Variants in COL16A1 observed in about 807,000 individuals in gnomAD.
The protein encoded by COL16A1 is collagen type XVI alpha 1 chain.
COL16A1 carries 189 observed loss-of-function variants against 266.3 expected under a neutral mutation model. The observed-to-expected ratio is 0.71, with a 90% CI of 0.63 to 0.80. COL16A1 has a LOEUF of 0.80. Among genes scored for constraint, COL16A1 ranks in the 30% least tolerant of loss-of-function variants. The pLI, the probability that COL16A1 is intolerant of heterozygous loss-of-function variation, is 0.00. For missense variants in COL16A1, 1,928 were observed against 2,122.4 expected (o/e 0.91, Z 1.80); for synonymous variants, 740 against 782.3 (o/e 0.95, Z 0.90).
intron 1 of COL16A1, among the ~76,000 whole-genome samples, chr1:31,702,628 G>A (rs998090211): frequency 6.6e-6 from 1 of 152,186 alleles, no homozygotes; most frequent in African/African-American, 2.4e-5. Context: ...ACACGTGGAA[G>A]TATTTCAAGT....
intron 10 of COL16A1, 146 bp downstream of exon 10, chr1:31,695,615 C>T: frequency 3.6e-6 from 3 of 827,916 alleles, no homozygotes; most frequent in Non-Finnish European, 6.1e-6. Flanking sequence ...AGGCAGTGGA[C>T]AGACAGGGCC....
intron 23 of COL16A1, 154 bp from the exon 24 acceptor site, chr1:31,689,239 T>C (rs1644142756): frequency 8.0e-7 from 1 of 1,244,266 alleles, no homozygotes; most frequent in Admixed American, 2.6e-5. Context: ...AGAGGCAGGG[T>C]TCATCAACCC....
chr1:31,698,426 G>A lies in COL16A1; in HGVS notation c.390+57C>T. ...AGTCACAAGCCGGGATGAAAGGTGGGCTGGACTGGTGCTACCCAATGCCCT... is the reference window on the plus strand; with the variant it reads ...AGTCACAAGCCGGGATGAAAGGTGGACTGGACTGGTGCTACCCAATGCCCT... On this transcript the variant is annotated intron_variant, in intron 5 of 70. Transcript: ENST00000373672. This position sits in a 1 kb window ranked among gnomAD's most constrained non-coding sequence, Gnocchi z 4.1. 1 of 1,606,244 alleles carries A rather than the reference G, an allele frequency of 6.2e-7. No homozygotes were observed.
In COL16A1 at chr1:31,692,773, T is replaced by C. The variant is rs3818788; in HGVS notation, c.1107A>G (p.Pro369=). The C allele has an allele frequency of 0.64, 1,029,724 of 1,612,612 alleles. 331,884 individuals are homozygous for C. Among genetic ancestry groups the C allele is most frequent in the African/African-American group, 0.73 (54,689 of 74,934 alleles). ...NDCVRISPDA[P]LQCAEGPKGE... is the part of the protein sequence containing the mutation. ...CATCACCTCCAAGTCTTACCTGAAGTGGGGCATCCGGGGAGATTCGAACAC... is the reference window on the plus strand; with the variant it reads ...CATCACCTCCAAGTCTTACCTGAAGCGGGGCATCCGGGGAGATTCGAACAC... Residue 369 remains proline (P), a synonymous_variant, in exon 14 of 71, where the codon CCA becomes CCG. Transcript: ENST00000373672.
Position 31,665,192 on chromosome 1 carries a change from G to A in COL16A1, c.3535C>T (p.Pro1179Ser), listed in dbSNP as rs199700017. 47 of 1,603,528 alleles carry A rather than the reference G, an allele frequency of 2.9e-5. No homozygotes were observed. The African/African-American group carries it at 5.4e-4, about 18-fold the overall frequency. ...CTCACCTTCTCTGCTTGAGGGCCAG[G>A]TGGGCCAGGTGATCCAACTTTGCCT... The part of the protein sequence containing the change: ...FPGKVGSPGP[P>S]GPQAEKGSEG... Residue 1179 changes from proline (P) to serine (S), a missense_variant, in exon 56 of 71, where the codon CCT (proline) becomes TCT (serine). By Grantham distance (74) the Pro-to-Ser change is moderately conservative. This residue lies in a region of COL16A1 where 1,552 missense variants were observed against 1,637.2 expected (regional missense o/e 0.95). Transcript: ENST00000373672.
Position 31,681,018 on chromosome 1 carries a change from C to T in COL16A1, c.2583+5G>A, listed in dbSNP as rs1398454160. 1 of 1,613,792 alleles carries T rather than the reference C, an allele frequency of 6.2e-7. No homozygotes were observed. Among genetic ancestry groups the T allele is most frequent in the East Asian group, 2.2e-5 (1 of 44,874 alleles). On this transcript the variant is annotated splice_donor_5th_base_variant and intron_variant, in intron 38 of 70. Coordinates refer to ENST00000373672, the MANE Select transcript of COL16A1 (RefSeq NM_001856.4). ...CTTCCTGCTGCCCCAAGGCACTGTA[C>T]TCACTGGTGTTCCTCTGAGTCCCGT...
chr1:31,670,241 A>C lies in COL16A1; in HGVS notation c.3195+361T>G. On this transcript the variant is annotated intron_variant, in intron 49 of 70. Coordinates refer to ENST00000373672, the MANE Select transcript of COL16A1 (RefSeq NM_001856.4). The surrounding 1 kb of genome is among the most constrained non-coding windows in gnomAD (Gnocchi z 4.5). ...GCAGGAGGCAGAGCGAGAAGGCAGG[A>C]ATGGAGGGGCCCCCTAGAGGCACCA... 3.9e-6 allele frequency: 1 copy of C among 258,180 alleles called. No homozygotes were observed. Among genetic ancestry groups the C allele is most frequent in the Non-Finnish European group, 7.3e-6 (1 of 136,986 alleles). The allele number at this position is 258,180 out of a possible 1,614,324, so 16.0% of individuals were successfully genotyped here.
intron 37 of COL16A1, among the ~76,000 whole-genome samples, chr1:31,682,290 T>C (rs1429093858): frequency 6.6e-6 from 1 of 152,242 alleles, no homozygotes; most frequent in African/African-American, 2.4e-5. Flanking sequence ...GGGTGAATAG[T>C]ACAAAGGGAA....
intron 54 of COL16A1, 39 bp downstream of exon 54, chr1:31,665,843 T>C (rs1429658445): frequency 1.2e-6 from 2 of 1,613,736 alleles, no homozygotes; most frequent in South Asian, 2.2e-5. Flanking sequence ...CCCAGCTCCT[T>C]CCCTGCCTCC....
Position 31,692,005 on chromosome 1 carries a change from GT to G in COL16A1, c.1256del (p.Asp419AlafsTer42). Reference protein sequence around the residue: ...IKGVPGKPGRDGRPGEICVIG... With the variant: ...IKGVPGKPGRXGRPGEICVIG... ...GTGGGGAAGGGTCCCAGGCACCTAC[GT>G]CCCGGCCTGGCTTTCCCGGCACGCC... On this transcript the variant is annotated frameshift_variant and splice_region_variant, in exon 17 of 71. Transcript: ENST00000373672. LOFTEE classifies it high-confidence loss of function. 1 of 1,613,820 alleles carries G rather than the reference GT, an allele frequency of 6.2e-7. No homozygotes were observed. The highest frequency in any genetic ancestry group is 2.2e-5 in the East Asian group (1 of 44,878).
Position 31,697,943 on chromosome 1 carries a change from A to T in COL16A1, c.620T>A (p.Phe207Tyr). ...RRPMRPVGHV[F>Y]LGLDAEQGKP... ...GCCCTGCTCAGCATCCAAGCCTAGA[A>T]ATACATGGCCCACAGGCCTCATGGG... The change falls in exon 6 of 71, where the codon TTT (phenylalanine) becomes TAT (tyrosine). Residue 207 changes from phenylalanine to tyrosine, a missense_variant. Around this residue, in one of 2 missense-constraint regions of COL16A1, gnomAD observed 1,552 missense variants for 1,637.2 expected, o/e 0.95. Coordinates refer to ENST00000373672, the MANE Select transcript of COL16A1 (RefSeq NM_001856.4). The surrounding 1 kb of genome is among the most constrained non-coding windows in gnomAD (Gnocchi z 4.2). 1 of 1,613,004 alleles carries T rather than the reference A, an allele frequency of 6.2e-7. No individual in the cohort carries two copies. Among genetic ancestry groups the T allele is most frequent in the African/African-American group, 1.3e-5 (1 of 74,928 alleles).
In COL16A1 at chr1:31,653,879, G is replaced by A. The variant is rs1461523029; in HGVS notation, c.4522C>T (p.Pro1508Ser). ...QIGREGRQGL[P>S]GVRGLPGTKG... ...AGGGCAGAGCTACCTCTTACTCCTG[G>A]CAAGCCCTGCCGTCCTTCTCTGCCA... Residue 1508 changes from proline (P) to serine (S), a missense_variant, in exon 69 of 71, where the codon CCA becomes TCA. Physicochemically the swap from Pro to Ser is moderately conservative, Grantham distance 74. Transcript: ENST00000373672. 6.2e-7 allele frequency: 1 copy of A among 1,611,474 alleles called. No homozygotes were observed. Among genetic ancestry groups the A allele is most frequent in the Non-Finnish European group, 8.5e-7 (1 of 1,178,322 alleles).
At chr1:31,675,477 C>G (rs1265788462) in intron 42 of COL16A1, among the ~76,000 whole-genome samples, 166 bp from the exon 43 acceptor site, 1 of 152,156 alleles carries the variant, frequency 6.6e-6, no homozygotes, top group South Asian at 2.1e-4. Flanking sequence ...GCCTCTCGAC[C>G]CTTATAGGGA....
intron 57 of COL16A1, 26 bp downstream of exon 57, chr1:31,662,561 G>T: frequency 6.4e-7 from 1 of 1,559,434 alleles, no homozygotes; most frequent in Non-Finnish European, 8.7e-7. Context: ...GCACACGTCT[G>T]CCACGCTGAA....
chr1:31,679,418 C>A, intron 42 of COL16A1: 2 of 1,561,218 alleles, frequency 1.3e-6, no homozygotes, highest in African/African-American at 1.4e-5. Flanking sequence ...CGCAACAGTG[C>A]ATTGCTTGAA....
rs1265365679 is a variant in COL16A1 at position 31,685,043 on chromosome 1, G to A, written c.2017-187C>T. 6.6e-6 allele frequency among the ~76,000 whole-genome samples: 1 copy of A among 152,228 alleles called. No homozygotes were observed. The highest frequency in any genetic ancestry group is 1.5e-5 in the Non-Finnish European group (1 of 68,048). ...CAGACTCTTTGCCTGGGTGACATGA[G>A]CAAATTAGCTCATCTATCTCCGTAC... is the stretch of plus-strand genomic sequence containing the variant. On this transcript the variant is annotated intron_variant, in intron 29 of 70. Transcript: ENST00000373672. The surrounding 1 kb of genome is among the most constrained non-coding windows in gnomAD (Gnocchi z 4.0).
intron 23 of COL16A1, 39 bp downstream of exon 23, chr1:31,689,702 G>C (rs755393699): frequency 1.3e-6 from 2 of 1,523,164 alleles, no homozygotes; most frequent in Non-Finnish European, 1.8e-6. Flanking sequence ...TTCTTTGTGT[G>C]TTGGGGGAGG....
chr1:31,694,056 G>T (rs576461112), intron 12 of COL16A1, 88 bp downstream of exon 12: 1 of 1,307,534 alleles, frequency 7.6e-7, no homozygotes, highest in Non-Finnish European at 1.1e-6. Context: ...GGCCCTGATA[G>T]AAACACACAG....
In COL16A1 at chr1:31,697,831, C is replaced by T. The variant is rs747866879; in HGVS notation, c.657+75G>A. 3.6e-5 allele frequency: 53 copies of T among 1,492,290 alleles called. 1 individual carries two copies. Among genetic ancestry groups the T allele is most frequent in the South Asian group, 1.3e-4 (10 of 77,118 alleles). 92.4% of individuals were successfully genotyped at this position (1,492,290 alleles called of 1,614,324 possible). A position where few individuals can be genotyped will look rare whatever the true frequency, so the allele number is the denominator to read the frequency against. Reference sequence around the variant, plus strand: ...TTCTAAGCAGGAGAAGGACTTGTTCCGATACGGATTCCAGGAAGCCCACTC... The same window carrying T: ...TTCTAAGCAGGAGAAGGACTTGTTCTGATACGGATTCCAGGAAGCCCACTC... On this transcript the variant is annotated intron_variant, in intron 6 of 70. Coordinates refer to ENST00000373672, the MANE Select transcript of COL16A1 (RefSeq NM_001856.4). The surrounding 1 kb of genome is among the most constrained non-coding windows in gnomAD (Gnocchi z 4.2).
Sources: allele counts gnomAD v4.1 joint callset (sites outside exome capture counted in the v4.1 genomes callset), GRCh38; gene constraint gnomAD v4.1.1; regional missense constraint gnomAD v4.1.1; non-coding constraint Gnocchi (gnomAD v3.1); transcripts MANE v1.5; gene names NCBI Gene and HGNC (gene_info 2026-07-23, HGNC 2026-07-21).